The following TTC28 variants were observed in gnomAD, a reference collection of about 807,000 sequenced individuals.
The protein encoded by TTC28 is tetratricopeptide repeat protein 28.
In TTC28, 61 loss-of-function variants were observed where a neutral mutation model predicts 198.0. The ratio of observed to expected loss-of-function variants is 0.31; its 90% CI spans 0.25 to 0.38. TTC28 has a LOEUF of 0.38. Ranked by LOEUF, TTC28 falls within the 10% of genes least tolerant of loss-of-function variation. The probability of loss-of-function intolerance (pLI) is 1.00; values close to 1 mark genes in which losing one functional copy is unlikely to be tolerated. For missense variants in TTC28, 2,678 were observed against 3,164.0 expected (o/e 0.85, Z 3.69); for synonymous variants, 1,171 against 1,297.8 (o/e 0.90, Z 2.10).
chr22:28,038,989 A>G (rs1939488171), intron 12 of TTC28, among the ~76,000 whole-genome samples: 1 of 152,236 alleles, frequency 6.6e-6, no homozygotes, highest in African/African-American at 2.4e-5. Context: ...CACACCAGTT[A>G]GAATGGCGAT....
At chr22:28,547,035 A>G (rs1230653389) in intron 2 of TTC28, among the ~76,000 whole-genome samples, 1 of 152,254 alleles carries the variant, frequency 6.6e-6, no homozygotes, top group Non-Finnish European at 1.5e-5. Flanking sequence ...GAAGTGCTCT[A>G]TATCTTGACT....
chr22:28,014,317 C>T lies in TTC28; in HGVS notation c.4149G>A (p.Arg1383=), dbSNP rs988925437. Residue 1383 remains arginine, a synonymous_variant, in exon 14 of 23, where the codon AGG becomes AGA. Transcript: ENST00000397906. ...GGGGCTTGGCAAACGAGCTCTGCCT[C>T]CTGGGAAGAGAGGAGGTCCCGTCCT... ...PTQDGTSSLP[R]RQSSFAKPPL... 10 of 1,551,544 alleles carry T rather than the reference C, an allele frequency of 6.4e-6. No individual in the cohort carries two copies. The highest frequency in any genetic ancestry group is 8.7e-6 in the Non-Finnish European group (10 of 1,146,984).
At chr22:28,448,042 T>A (rs1224246091) in intron 2 of TTC28, among the ~76,000 whole-genome samples, 1 of 152,204 alleles carries the variant, frequency 6.6e-6, no homozygotes, top group Non-Finnish European at 1.5e-5. Flanking sequence ...TGTATCAATA[T>A]TTTTTCATTA....
chr22:27,979,696 A>C lies in TTC28; in HGVS notation c.*2525T>G, dbSNP rs1350654402. Reference sequence around the variant, plus strand: ...CTTGGTGAATTATACAATTTCCTTTAATTCTAAGTGCATACTTTTTCCAGT... The same window carrying C: ...CTTGGTGAATTATACAATTTCCTTTCATTCTAAGTGCATACTTTTTCCAGT... On this transcript the variant is annotated 3_prime_UTR_variant, in exon 23 of 23. Transcript: ENST00000397906. The C allele has an allele frequency of 6.6e-6, 1 of 152,198 alleles. No homozygotes were observed. Among genetic ancestry groups the C allele is most frequent in the Non-Finnish European group, 1.5e-5 (1 of 68,036 alleles). The allele number at this position is 152,198 out of a possible 1,614,324, so 9.4% of individuals were successfully genotyped here. A position where few individuals can be genotyped will look rare whatever the true frequency, so the allele number is the denominator to read the frequency against.
chr22:28,029,671 G>A (rs893812778), intron 13 of TTC28, among the ~76,000 whole-genome samples: 1 of 152,142 alleles, frequency 6.6e-6, no homozygotes, highest in African/African-American at 2.4e-5. Flanking sequence ...TTTCAAACTC[G>A]ATTCATCTTA....
Position 27,983,413 on chromosome 22 carries a change from G to T in TTC28, c.6254C>A (p.Pro2085His). The T allele has an allele frequency of 6.4e-7, 1 of 1,551,210 alleles. No homozygotes were observed. The highest frequency in any genetic ancestry group is 8.7e-7 in the Non-Finnish European group (1 of 1,146,976). Reference protein sequence around the residue: ...NTCFSPDHKQPQPGTAGGMRV... With the variant: ...NTCFSPDHKQHQPGTAGGMRV... ...CATGCCTCCGGCTGTCCCAGGTTGG[G>T]GTTGTTTGTGGTCTGGTGAGAAGCA... The change falls in exon 23 of 23, where the codon CCC becomes CAC. Residue 2085 changes from proline (P) to histidine (H), a missense_variant. By Grantham distance (77) the Pro-to-His change is moderately conservative (BLOSUM62 -2). This residue lies in a region of TTC28 where 622 missense variants were observed against 656.0 expected (regional missense o/e 0.95). Transcript: ENST00000397906.
chr22:28,310,135 A>AACACACACAC (rs751276999), intron 2 of TTC28, among the ~76,000 whole-genome samples: 1 of 73,334 alleles, frequency 1.4e-5, no homozygotes, highest in Non-Finnish European at 3.0e-5. Flanking sequence ...TGTGACACAT[A>AACACACACAC]ACACACACAC....
chr22:28,602,582 C>T (rs2050656892), intron 2 of TTC28, among the ~76,000 whole-genome samples: 1 of 152,030 alleles, frequency 6.6e-6, no homozygotes, highest in Admixed American at 6.6e-5. Flanking sequence ...ATAGGACAAA[C>T]ATGATAAAAT....
intron 21 of TTC28, among the ~76,000 whole-genome samples, chr22:27,988,449 G>A (rs560047133): frequency 6.6e-6 from 1 of 152,008 alleles, no homozygotes; most frequent in African/African-American, 2.4e-5. Context: ...CTCCATGCCT[G>A]GCTAATTTTT....
At chr22:28,548,998 C>T (rs529341647) in intron 2 of TTC28, among the ~76,000 whole-genome samples, 19 of 152,040 alleles carry the variant, frequency 1.2e-4, no homozygotes, top group Non-Finnish European at 2.4e-4. Context: ...CCTCCAAATT[C>T]TAACACCTCT....
At chr22:27,998,318 G>T in intron 16 of TTC28, 1 of 733,902 alleles carries the variant, frequency 1.4e-6, no homozygotes, top group Non-Finnish European at 2.2e-6. Flanking sequence ...ATACACTCAT[G>T]GCAAATGGTT....
Position 27,993,362 on chromosome 22 carries a change from C to T in TTC28, c.5401G>A (p.Ala1801Thr). Residue 1801 changes from alanine (A) to threonine (T), a missense_variant, in exon 18 of 23, where the codon GCG (alanine) becomes ACG (threonine). Physicochemically the swap from Ala to Thr is moderately conservative, Grantham distance 58. Coordinates refer to ENST00000397906, the MANE Select transcript of TTC28 (RefSeq NM_001145418.2). ...RLDPPTSGLPAAVFFPTSDPG... is the reference protein window; with the variant it reads ...RLDPPTSGLPTAVFFPTSDPG... ...TCGGAGGTTGGGAAGAAGACAGCCG[C>T]TGGCAGGCCACTGGTTGGGGGGTCC... 1 of 1,550,950 alleles carries T rather than the reference C, an allele frequency of 6.4e-7. No homozygotes were observed. Among genetic ancestry groups the T allele is most frequent in the East Asian group, 2.4e-5 (1 of 40,918 alleles).
chr22:28,423,514 T>C (rs1037128164), intron 2 of TTC28, among the ~76,000 whole-genome samples: 4 of 152,226 alleles, frequency 2.6e-5, no homozygotes, highest in African/African-American at 9.6e-5. Flanking sequence ...AAGTAATCCG[T>C]TTCAGCCCTC....
In TTC28 at chr22:28,075,050, C is replaced by T. The variant is rs55802118; in HGVS notation, c.3932+19030G>A. Among the ~76,000 whole-genome samples the T allele has an allele frequency of 8.1e-3, 1,232 of 151,980 alleles. 20 individuals carry two copies. Among genetic ancestry groups the T allele is most frequent in the African/African-American group, 0.028 (1,173 of 41,438 alleles). On this transcript the variant is annotated intron_variant, in intron 12 of 22. Coordinates refer to ENST00000397906, the MANE Select transcript of TTC28 (RefSeq NM_001145418.2). ...TTTCAGTGAGCCAAGATTGCACCAA[C>T]GCACTACAGCCTGGATAACAGAGAG...
chr22:28,610,039 T>C (rs1302909989), intron 2 of TTC28, among the ~76,000 whole-genome samples: 2 of 152,122 alleles, frequency 1.3e-5, no homozygotes, highest in African/African-American at 2.4e-5. Context: ...CCTCTCTAGA[T>C]TCCTCCTCTC....
intron 2 of TTC28, among the ~76,000 whole-genome samples, chr22:28,534,678 G>T (rs1188074693): frequency 2.0e-5 from 3 of 152,282 alleles, no homozygotes; most frequent in Middle Eastern, 6.8e-3. Context: ...GTCCATCAAT[G>T]ATAGACTTGA....
At position 28,014,261 on chromosome 22, in the gene TTC28, G is replaced by A. The variant is rs1569083381; in HGVS notation, c.4205C>T (p.Ala1402Val). ...GGAGGTGCTTACCCCTTCCATGGGC[G>A]CGATGAGCAGGTCATACAGGGCACG... Reference protein sequence around the residue: ...PLRALYDLLIAPMEGGLMHSS... With the variant: ...PLRALYDLLIVPMEGGLMHSS... The change falls in exon 14 of 23, where the codon GCG becomes GTG. Residue 1402 changes from alanine to valine, a missense_variant. Physicochemically the swap from Ala to Val is moderately conservative, Grantham distance 64. Transcript: ENST00000397906. 2.6e-6 allele frequency: 4 copies of A among 1,550,910 alleles called. No individual in the cohort carries two copies. The highest frequency in any genetic ancestry group is 1.7e-4 in the Middle Eastern group (1 of 6,010).
At chr22:28,275,747 AAAAAAG>A (rs1214619226) in intron 5 of TTC28, among the ~76,000 whole-genome samples, 9 of 152,038 alleles carry the variant, frequency 5.9e-5, no homozygotes, top group Admixed American at 4.6e-4. Flanking sequence ...TTAAACAAAA[AAAAAAG>A]AAAAAGAAAA....
At chr22:28,132,869 A>G (rs962159624) in intron 6 of TTC28, among the ~76,000 whole-genome samples, 1 of 152,238 alleles carries the variant, frequency 6.6e-6, no homozygotes, top group East Asian at 1.9e-4. Context: ...ACAGTTTCCA[A>G]GAACCCTATA....
Sources: gnomAD v4.1 joint callset for allele counts (sites outside exome capture counted in the v4.1 genomes callset) on GRCh38, gnomAD v4.1.1 for gene constraint, gnomAD v4.1.1 regional missense constraint, MANE v1.5 for transcripts, NCBI Gene and HGNC (gene_info 2026-07-23, HGNC 2026-07-21) for gene names.